The following THSD7B variants were observed in gnomAD, a reference collection of about 807,000 sequenced individuals.
THSD7B encodes the protein thrombospondin type 1 domain containing 7B, also known as thrombospondin type-1 domain-containing protein 7B.
A neutral mutation model predicts 213.6 loss-of-function variants in THSD7B; 138 were observed. That is an observed-to-expected ratio of 0.65 (90% CI 0.56 to 0.74). The LOEUF (loss-of-function observed/expected upper bound fraction) is 0.74. Among genes scored for constraint, THSD7B ranks in the 30% least tolerant of loss-of-function variants. The pLI, the probability that THSD7B is intolerant of heterozygous loss-of-function variation, is 0.00. For synonymous variants in THSD7B, 742 were observed against 687.0 expected (o/e 1.08, Z -1.25); for missense variants, 1,931 against 1,991.5 (o/e 0.97, Z 0.58).
chr2:137,464,147 G>A (rs1196447875), intron 15 of THSD7B, among the ~76,000 whole-genome samples: 1 of 152,024 alleles, frequency 6.6e-6, no homozygotes, highest in Admixed American at 6.6e-5. Flanking sequence ...ATAATTGATA[G>A]AGGGGCATCT....
At chr2:136,977,803 T>TTTTTTG (rs1232186650) in intron 2 of THSD7B, among the ~76,000 whole-genome samples, 4 of 12,042 alleles carry the variant, frequency 3.3e-4, no homozygotes, top group African/African-American at 1.1e-3. Flanking sequence ...TTTTCTTTGT[T>TTTTTTG]TTTTTTTTTT....
chr2:137,620,577 C>A (rs773821200), intron 19 of THSD7B, 32 bp from the exon 20 acceptor site: 11 of 1,540,898 alleles, frequency 7.1e-6, no homozygotes, highest in South Asian at 1.1e-5. Flanking sequence ...AGTGATTTCT[C>A]CAATAAAGTT....
chr2:137,318,649 G>T (rs1415662454), intron 12 of THSD7B, among the ~76,000 whole-genome samples: 1 of 152,108 alleles, frequency 6.6e-6, no homozygotes, highest in Non-Finnish European at 1.5e-5. Flanking sequence ...TCCTAGCACA[G>T]AAACAGCATA....
intron 15 of THSD7B, among the ~76,000 whole-genome samples, chr2:137,522,110 C>T (rs1303367820): frequency 6.6e-6 from 1 of 152,190 alleles, no homozygotes; most frequent in African/African-American, 2.4e-5. Flanking sequence ...GTCTTTTTCT[C>T]AGGTTTGAAT....
At chr2:137,548,428 G>C (rs1441243563) in intron 15 of THSD7B, among the ~76,000 whole-genome samples, 1 of 151,842 alleles carries the variant, frequency 6.6e-6, no homozygotes, top group Non-Finnish European at 1.5e-5. Context: ...CTCATGCTGA[G>C]ACCATAGCAA....
intron 1 of THSD7B, among the ~76,000 whole-genome samples, chr2:136,767,693 C>A (rs1434851852): frequency 2.0e-5 from 3 of 152,222 alleles, no homozygotes; most frequent in Admixed American, 6.5e-5. Flanking sequence ...CAGACAGATC[C>A]AGCAGCCCTG....
At chr2:136,854,957 A>G (rs1683154917) in intron 1 of THSD7B, among the ~76,000 whole-genome samples, 1 of 152,144 alleles carries the variant, frequency 6.6e-6, no homozygotes, top group African/African-American at 2.4e-5. Context: ...TCTTTAAAAT[A>G]TAAGAAGCCC....
rs148156391 is a variant in THSD7B at position 137,080,484 on chromosome 2, G to A, written c.951-14389G>A. On this transcript the variant is annotated intron_variant, in intron 3 of 27. Transcript: ENST00000409968. Reference sequence around the variant, plus strand: ...TTGCCTTGGCCTCCCAAAATGCTGGGATTACAGGTGTGAGCCACTGCATCT... The same window carrying A: ...TTGCCTTGGCCTCCCAAAATGCTGGAATTACAGGTGTGAGCCACTGCATCT... Among the ~76,000 whole-genome samples the A allele has an allele frequency of 1.0e-3, 158 of 151,518 alleles. 4 individuals carry two copies. In the East Asian group the frequency reaches 0.029, roughly 28 times the overall value.
At chr2:136,968,629 C>T (rs1685356797) in intron 2 of THSD7B, among the ~76,000 whole-genome samples, 1 of 152,050 alleles carries the variant, frequency 6.6e-6, no homozygotes, top group Admixed American at 6.6e-5. Context: ...AGATGCTTAT[C>T]AATAATTTAT....
intron 15 of THSD7B, among the ~76,000 whole-genome samples, chr2:137,558,639 T>C (rs1176656607): frequency 2.0e-5 from 3 of 152,196 alleles, no homozygotes; most frequent in Non-Finnish European, 4.4e-5. Flanking sequence ...AAGCATTCCC[T>C]TTGAAAACTG....
chr2:137,086,032 A>G (rs1336580238), intron 3 of THSD7B, among the ~76,000 whole-genome samples: 1 of 152,174 alleles, frequency 6.6e-6, no homozygotes, highest in Non-Finnish European at 1.5e-5. Context: ...TAAACTCAGT[A>G]GGAAAAAAAT....
chr2:137,459,139 C>T (rs377297330), intron 15 of THSD7B, among the ~76,000 whole-genome samples: 35 of 151,632 alleles, frequency 2.3e-4, no homozygotes, highest in African/African-American at 6.8e-4. Context: ...AAATCCAAAC[C>T]GATGGGAGTA....
chr2:136,869,068 A>G (rs1416447262), intron 1 of THSD7B, among the ~76,000 whole-genome samples: 2 of 152,128 alleles, frequency 1.3e-5, no homozygotes, highest in Admixed American at 1.3e-4. Flanking sequence ...ATTTCTATTA[A>G]ATGATTTAAC....
intron 5 of THSD7B, among the ~76,000 whole-genome samples, chr2:137,128,007 G>A (rs1203389697): frequency 6.6e-6 from 1 of 152,078 alleles, no homozygotes; most frequent in East Asian, 1.9e-4. Context: ...AAACATAGAT[G>A]TAAAGGCAGT....
chr2:137,390,989 GGTGTGT>G (rs571619022), intron 12 of THSD7B, among the ~76,000 whole-genome samples: 1 of 150,588 alleles, frequency 6.6e-6, no homozygotes, highest in African/African-American at 2.4e-5. Flanking sequence ...TGTGGTATGG[GGTGTGT>G]GTGTGTGTGT....
At chr2:136,957,562 TTTG>T (rs1351325741) in intron 2 of THSD7B, among the ~76,000 whole-genome samples, 2 of 152,154 alleles carry the variant, frequency 1.3e-5, no homozygotes, top group African/African-American at 2.4e-5. Context: ...TATTTCCTTT[TTTG>T]TTGTTGTTAT....
chr2:137,363,191 G>C (rs1685311457), intron 12 of THSD7B, among the ~76,000 whole-genome samples: 1 of 152,128 alleles, frequency 6.6e-6, no homozygotes. Flanking sequence ...AAACCAATGA[G>C]AACAAAGACA....
intron 12 of THSD7B, among the ~76,000 whole-genome samples, chr2:137,336,643 G>T (rs1466065443): frequency 6.6e-6 from 1 of 152,150 alleles, no homozygotes; most frequent in Non-Finnish European, 1.5e-5. Flanking sequence ...ACCATGAGGA[G>T]CTGCAATGAG....
chr2:136,877,802 T>A (rs1683548040), intron 1 of THSD7B, among the ~76,000 whole-genome samples: 1 of 152,074 alleles, frequency 6.6e-6, no homozygotes, highest in African/African-American at 2.4e-5. Context: ...CCAACAGTGC[T>A]TGGGAGCAGG....
Sources: gnomAD v4.1 joint callset for allele counts (sites outside exome capture counted in the v4.1 genomes callset) on GRCh38, gnomAD v4.1.1 for gene constraint, MANE v1.5 for transcripts, NCBI Gene and HGNC (gene_info 2026-07-23, HGNC 2026-07-21) for gene names.